The following DRC11 variants were observed in gnomAD, a reference collection of about 807,000 sequenced individuals.
DRC11 encodes IQ and AAA domain-containing protein 1.
the DRC11 span, among the ~76,000 whole-genome samples, chr2:236,421,115 T>C: frequency 6.6e-6 from 1 of 152,046 alleles, no homozygotes; most frequent in Admixed American, 6.6e-5. Context: ...GGTTGTTCAG[T>C]TAAAATTGAC....
At chr2:236,371,590 C>T in the DRC11 span, among the ~76,000 whole-genome samples, 1 of 152,160 alleles carries the variant, frequency 6.6e-6, no homozygotes, top group Non-Finnish European at 1.5e-5. This position sits in a 1 kb window ranked among gnomAD's most constrained non-coding sequence, Gnocchi z 5.1. Context: ...GCATTGCACT[C>T]TCTCTCCTGA....
At chr2:236,489,535 C>T in the DRC11 span, among the ~76,000 whole-genome samples, 143 of 152,246 alleles carry the variant, frequency 9.4e-4, no homozygotes, top group African/African-American at 3.2e-3. Flanking sequence ...GTTCCAGAGG[C>T]CCCAGAGCAA....
the DRC11 span, among the ~76,000 whole-genome samples, chr2:236,455,494 C>G: frequency 2.0e-5 from 3 of 152,200 alleles, no homozygotes; most frequent in African/African-American, 7.2e-5. The surrounding 1 kb of genome is among the most constrained non-coding windows in gnomAD (Gnocchi z 5.7). Context: ...GAGATACTAG[C>G]AGGGAGAGTA....
At chr2:236,420,063 T>C in the DRC11 span, among the ~76,000 whole-genome samples, 12 of 152,278 alleles carry the variant, frequency 7.9e-5, no homozygotes, top group Admixed American at 4.6e-4. The surrounding 1 kb of genome is among the most constrained non-coding windows in gnomAD (Gnocchi z 4.8). Context: ...TCCTCAGCTC[T>C]AAAAGGGAGC....
the DRC11 span, among the ~76,000 whole-genome samples, chr2:236,419,863 A>T: frequency 1.3e-5 from 2 of 152,198 alleles, no homozygotes; most frequent in East Asian, 3.9e-4. The surrounding 1 kb of genome is among the most constrained non-coding windows in gnomAD (Gnocchi z 4.8). Context: ...TAGATTTGTT[A>T]AAAAAACATA....
At chr2:236,486,517 C>CG in the DRC11 span, among the ~76,000 whole-genome samples, 38 of 151,934 alleles carry the variant, frequency 2.5e-4, no homozygotes, top group African/African-American at 7.5e-4. The surrounding 1 kb of genome is among the most constrained non-coding windows in gnomAD (Gnocchi z 5.7). Flanking sequence ...TGCAAACCCA[C>CG]TGTTGTGACC....
At chr2:236,452,379 T>C in the DRC11 span, among the ~76,000 whole-genome samples, 1 of 152,186 alleles carries the variant, frequency 6.6e-6, no homozygotes, top group Non-Finnish European at 1.5e-5. The surrounding 1 kb of genome is among the most constrained non-coding windows in gnomAD (Gnocchi z 4.7). Context: ...CTGTGTTTCA[T>C]CAAGTATGAA....
the DRC11 span, among the ~76,000 whole-genome samples, chr2:236,498,364 C>T: frequency 3.3e-5 from 5 of 151,696 alleles, no homozygotes; most frequent in African/African-American, 4.8e-5. Flanking sequence ...ACTCAGGAGG[C>T]TGAGGCAGGG....
the DRC11 span, among the ~76,000 whole-genome samples, chr2:236,317,579 A>G: frequency 1.3e-5 from 2 of 152,202 alleles, no homozygotes; most frequent in Admixed American, 1.3e-4. The surrounding 1 kb of genome is among the most constrained non-coding windows in gnomAD (Gnocchi z 5.4). Context: ...AGTGATTAGG[A>G]GAAGGGCTTC....
the DRC11 span, among the ~76,000 whole-genome samples, chr2:236,417,907 C>G: frequency 6.6e-6 from 1 of 152,152 alleles, no homozygotes; most frequent in Non-Finnish European, 1.5e-5. Flanking sequence ...AAGACATGAA[C>G]TCATTCTTTC....
chr2:236,321,421 G>T, the DRC11 span, among the ~76,000 whole-genome samples: 26 of 152,314 alleles, frequency 1.7e-4, 1 homozygote, highest in East Asian at 5.0e-3. Flanking sequence ...TGTTCTAATG[G>T]CGTGTTACCA....
At chr2:236,420,920 C>T in the DRC11 span, among the ~76,000 whole-genome samples, 1 of 152,176 alleles carries the variant, frequency 6.6e-6, no homozygotes, top group African/African-American at 2.4e-5. The surrounding 1 kb of genome is among the most constrained non-coding windows in gnomAD (Gnocchi z 4.8). Context: ...TTGTTTGGAC[C>T]TTAGAAACTG....
At chr2:236,493,824 T>C in the DRC11 span, 1 of 1,608,446 alleles carries the variant, frequency 6.2e-7, no homozygotes, top group Non-Finnish European at 8.5e-7. Flanking sequence ...ATTTTCTCTC[T>C]TCCTTTTATT....
the DRC11 span, among the ~76,000 whole-genome samples, chr2:236,335,833 C>T: frequency 1.7e-3 from 263 of 152,252 alleles, 1 homozygote; most frequent in African/African-American, 5.4e-3. This position sits in a 1 kb window ranked among gnomAD's most constrained non-coding sequence, Gnocchi z 5.6. Context: ...GTGGAACCCC[C>T]GGCATTGGCT....
the DRC11 span, among the ~76,000 whole-genome samples, chr2:236,308,005 G>A: frequency 4.0e-5 from 6 of 151,182 alleles, no homozygotes; most frequent in South Asian, 2.2e-4. The surrounding 1 kb of genome is among the most constrained non-coding windows in gnomAD (Gnocchi z 6.0). Context: ...TTGCAGTGAC[G>A]CAGGCGTCCT....
the DRC11 span, among the ~76,000 whole-genome samples, chr2:236,450,514 T>C: frequency 6.6e-6 from 1 of 151,962 alleles, no homozygotes; most frequent in Non-Finnish European, 1.5e-5. Flanking sequence ...GAGACGGGGT[T>C]TTACCATGTT....
At chr2:236,346,000 G>A in the DRC11 span, among the ~76,000 whole-genome samples, 1 of 152,202 alleles carries the variant, frequency 6.6e-6, no homozygotes, top group African/African-American at 2.4e-5. Flanking sequence ...GGCAGAAGTG[G>A]GCACTGATTG....
the DRC11 span, among the ~76,000 whole-genome samples, chr2:236,340,697 C>T: frequency 6.6e-6 from 1 of 152,186 alleles, no homozygotes; most frequent in Non-Finnish European, 1.5e-5. Flanking sequence ...AACCCAGTTG[C>T]CATGGTGATG....
At chr2:236,367,966 CAG>C in the DRC11 span, 1 of 561,864 alleles carries the variant, frequency 1.8e-6, no homozygotes, top group East Asian at 3.1e-5. The surrounding 1 kb of genome is among the most constrained non-coding windows in gnomAD (Gnocchi z 4.8). Flanking sequence ...TCCTTCAGCC[CAG>C]CACTGCTAAG....
Sources: allele counts gnomAD v4.1 joint callset (sites outside exome capture counted in the v4.1 genomes callset), GRCh38; gene constraint gnomAD v4.1.1; non-coding constraint Gnocchi (gnomAD v3.1); transcripts MANE v1.5; gene names NCBI Gene and HGNC (gene_info 2026-07-23, HGNC 2026-07-21).